The following MIS18A variants were observed in gnomAD, a reference collection of about 807,000 sequenced individuals.
The protein encoded by MIS18A is protein Mis18-alpha.
Under a neutral mutation model 25.0 loss-of-function variants are expected in MIS18A, and 14 were observed. That is an observed-to-expected ratio of 0.56 (90% CI 0.37 to 0.88). The LOEUF (loss-of-function observed/expected upper bound fraction) is 0.88, where lower values mean the gene tolerates loss of function less well. Among genes scored for constraint, MIS18A ranks in the 40% least tolerant of loss-of-function variants. The pLI, the probability that MIS18A is intolerant of heterozygous loss-of-function variation, is 0.00. For missense variants in MIS18A, 292 were observed against 290.8 expected, an observed-to-expected ratio of 1.00 and a Z score of -0.03; for synonymous variants, 134 against 118.6, an observed-to-expected ratio of 1.13 and a Z score of -0.84.
chr21:32,256,980 C>T, the MIS18A span, among the ~76,000 whole-genome samples: 8 of 152,170 alleles, frequency 5.3e-5, no homozygotes, highest in South Asian at 2.1e-4. Flanking sequence ...GCTCCCTTAA[C>T]AGCCACATCA....
chr21:32,169,196 G>A, the MIS18A span, among the ~76,000 whole-genome samples: 33,786 of 129,554 alleles, frequency 0.26, 4,403 homozygotes, highest in East Asian at 0.48. Flanking sequence ...TCACAAGCAC[G>A]GCAGCTGTGA....
At chr21:32,239,331 G>A in the MIS18A span, among the ~76,000 whole-genome samples, 3 of 152,122 alleles carry the variant, frequency 2.0e-5, no homozygotes, top group Admixed American at 2.0e-4. Context: ...ACAAGGGGAA[G>A]GATATTTTAC....
the MIS18A span, among the ~76,000 whole-genome samples, chr21:32,245,504 T>A: frequency 6.6e-6 from 1 of 152,110 alleles, no homozygotes; most frequent in South Asian, 2.1e-4. Context: ...AGAAGCACCT[T>A]CCAGGAGGGA....
chr21:32,273,963 G>A (rs1340912464), intron 2 of MIS18A, among the ~76,000 whole-genome samples: 2 of 152,082 alleles, frequency 1.3e-5, no homozygotes, highest in African/African-American at 4.8e-5. Context: ...TGGGTGGCAG[G>A]TATGGCAAGA....
intron 2 of MIS18A, among the ~76,000 whole-genome samples, chr21:32,274,197 CTTTTTTTTTT>C (rs1184186125): frequency 1.4e-5 from 1 of 72,782 alleles, no homozygotes; most frequent in Non-Finnish European, 2.5e-5. Flanking sequence ...TCCTTTTCTT[CTTTTTTTTTT>C]TTTTTTTTTT....
chr21:32,183,785 T>A, the MIS18A span, among the ~76,000 whole-genome samples: 1 of 152,208 alleles, frequency 6.6e-6, no homozygotes, highest in East Asian at 1.9e-4. Flanking sequence ...TGAATGGCTC[T>A]TTGCTGTTGT....
At chr21:32,228,928 GA>G in the MIS18A span, among the ~76,000 whole-genome samples, 2 of 151,862 alleles carry the variant, frequency 1.3e-5, no homozygotes, top group African/African-American at 2.4e-5. Flanking sequence ...GCTGGATTAT[GA>G]AAAAAAATCA....
chr21:32,278,600 C>A, intron 1 of MIS18A, 81 bp downstream of exon 1: 2 of 1,370,764 alleles, frequency 1.5e-6, no homozygotes, highest in Non-Finnish European at 1.9e-6. Context: ...GGAGCCCCCG[C>A]CTCCTCCCGG....
chr21:32,173,287 A>G, the MIS18A span, among the ~76,000 whole-genome samples: 1 of 152,088 alleles, frequency 6.6e-6, no homozygotes, highest in Non-Finnish European at 1.5e-5. Flanking sequence ...ATCAAAATCG[A>G]CCATAACAAA....
chr21:32,162,787 C>T, the MIS18A span, among the ~76,000 whole-genome samples: 2 of 152,242 alleles, frequency 1.3e-5, no homozygotes, highest in African/African-American at 2.4e-5. Context: ...CAAGCAGGAA[C>T]GTACAGCTCC....
At chr21:32,242,319 G>A in the MIS18A span, among the ~76,000 whole-genome samples, 3 of 152,272 alleles carry the variant, frequency 2.0e-5, no homozygotes, top group East Asian at 1.9e-4. Flanking sequence ...TGGCCATTTC[G>A]GAAGGTGAAA....
downstream of MIS18A, among the ~76,000 whole-genome samples, chr21:32,263,425 G>T (rs184356978): frequency 1.3e-5 from 2 of 152,198 alleles, no homozygotes; most frequent in Admixed American, 1.3e-4. Flanking sequence ...GTGAAACCCT[G>T]TCTCTACTAT....
chr21:32,256,517 G>A, the MIS18A span, among the ~76,000 whole-genome samples: 1 of 152,040 alleles, frequency 6.6e-6, no homozygotes, highest in Non-Finnish European at 1.5e-5. Context: ...GGTTTTCCCG[G>A]GACAATTGAC....
Position 32,268,344 on chromosome 21 carries a change from T to G in MIS18A, c.*693A>C, listed in dbSNP as rs2031642298. 6.6e-6 allele frequency: 1 copy of G among 152,224 alleles called. No individual in the cohort carries two copies. The highest frequency in any genetic ancestry group is 2.1e-4 in the South Asian group (1 of 4,830). The allele number at this position is 152,224 out of a possible 1,614,324, so 9.4% of individuals were successfully genotyped here. ...GAATCCCACCCTCAGAGATGGTTAC[T>G]CCTCTTTGGTAAGTATTCCTCCAGG... On this transcript the variant is annotated 3_prime_UTR_variant, in exon 5 of 5. Transcript: ENST00000290130.
At chr21:32,232,333 T>A in the MIS18A span, among the ~76,000 whole-genome samples, 1 of 151,634 alleles carries the variant, frequency 6.6e-6, no homozygotes, top group African/African-American at 2.4e-5. Context: ...GCTATATAGA[T>A]AAATATATGT....
At chr21:32,219,648 G>A in the MIS18A span, among the ~76,000 whole-genome samples, 2 of 152,202 alleles carry the variant, frequency 1.3e-5, no homozygotes, top group African/African-American at 2.4e-5. Flanking sequence ...CCTGGAAAGA[G>A]GGCTGAAGCC....
chr21:32,265,133 G>A (rs979531543), downstream of MIS18A, among the ~76,000 whole-genome samples: 1 of 152,204 alleles, frequency 6.6e-6, no homozygotes, highest in African/African-American at 2.4e-5. Flanking sequence ...TTTGGCCTGG[G>A]ACATCCGCCT....
At chr21:32,212,022 G>A in the MIS18A span, among the ~76,000 whole-genome samples, 1,051 of 152,214 alleles carry the variant, frequency 6.9e-3, 11 homozygotes, top group African/African-American at 0.024. Flanking sequence ...GAAGTTTTTG[G>A]TATGACAGAA....
At chr21:32,273,391 C>G (rs1327476452) in intron 2 of MIS18A, among the ~76,000 whole-genome samples, 4 of 152,068 alleles carry the variant, frequency 2.6e-5, no homozygotes, top group Non-Finnish European at 1.5e-5. Context: ...TCTAATCATG[C>G]CTTGGTCCTT....
Sources: allele counts gnomAD v4.1 joint callset (sites outside exome capture counted in the v4.1 genomes callset), GRCh38; gene constraint gnomAD v4.1.1; transcripts MANE v1.5; gene names NCBI Gene and HGNC (gene_info 2026-07-23, HGNC 2026-07-21).